CDH18: variants seen among roughly 807,000 people sequenced by gnomAD.
CDH18 encodes cadherin 18.
In CDH18, 31 loss-of-function variants were observed where a neutral mutation model predicts 67.9. The observed-to-expected ratio is 0.46, with a 90% CI of 0.34 to 0.62. The LOEUF (loss-of-function observed/expected upper bound fraction) is 0.62, where lower values mean the gene tolerates loss of function less well. Ranked by LOEUF, CDH18 falls within the 20% of genes least tolerant of loss-of-function variation. The probability of loss-of-function intolerance (pLI) is 0.01; values close to 1 mark genes in which losing one functional copy is unlikely to be tolerated. For missense variants in CDH18, 890 were observed against 975.5 expected, an observed-to-expected ratio of 0.91 and a Z score of 1.17; for synonymous variants, 362 against 347.2, an observed-to-expected ratio of 1.04 and a Z score of -0.48.
intron 10 of CDH18, among the ~76,000 whole-genome samples, chr5:19,512,087 C>A (rs1162715153): frequency 2.0e-5 from 3 of 152,108 alleles, no homozygotes; most frequent in African/African-American, 7.2e-5. Flanking sequence ...ATACACAGCT[C>A]AGCCCATTGC....
intron 2 of CDH18, among the ~76,000 whole-genome samples, chr5:20,022,132 A>T (rs1441757120): frequency 6.6e-6 from 1 of 152,074 alleles, no homozygotes; most frequent in East Asian, 1.9e-4. Context: ...TTCACTGAAA[A>T]CCTTACCTTT....
intron 1 of CDH18, among the ~76,000 whole-genome samples, chr5:20,378,679 G>A (rs1238053084): frequency 6.6e-6 from 1 of 151,976 alleles, no homozygotes; most frequent in East Asian, 1.9e-4. Flanking sequence ...CCAAACACCG[G>A]GTGCTAACGA....
chr5:19,587,677 T>C (rs948863180), intron 7 of CDH18, among the ~76,000 whole-genome samples: 1 of 151,576 alleles, frequency 6.6e-6, no homozygotes, highest in Non-Finnish European at 1.5e-5. Context: ...ACCAGTACCA[T>C]GTTGTTTTGG....
intron 3 of CDH18, among the ~76,000 whole-genome samples, chr5:19,798,089 T>C (rs996466090): frequency 6.6e-6 from 1 of 152,084 alleles, no homozygotes; most frequent in Admixed American, 6.6e-5. Flanking sequence ...AAGATCCTAG[T>C]GGTTTTGAAA....
chr5:20,373,130 T>C (rs1309608462), intron 1 of CDH18, among the ~76,000 whole-genome samples: 10 of 152,212 alleles, frequency 6.6e-5, no homozygotes, highest in Non-Finnish European at 1.2e-4. Context: ...TAGTCAAAGT[T>C]ATATTTTACA....
intron 2 of CDH18, among the ~76,000 whole-genome samples, chr5:20,160,869 A>G (rs1477846712): frequency 6.6e-6 from 1 of 152,254 alleles, no homozygotes; most frequent in African/African-American, 2.4e-5. Flanking sequence ...TGTTTGCCAC[A>G]TTGGTCCGCC....
At chr5:19,552,872 T>C (rs1163698626) in intron 8 of CDH18, among the ~76,000 whole-genome samples, 1 of 152,170 alleles carries the variant, frequency 6.6e-6, no homozygotes, top group Non-Finnish European at 1.5e-5. Context: ...CTGGCTATAA[T>C]TTTTTATTTC....
At chr5:20,243,107 T>C (rs1172309593) in intron 2 of CDH18, among the ~76,000 whole-genome samples, 2 of 152,248 alleles carry the variant, frequency 1.3e-5, no homozygotes, top group African/African-American at 2.4e-5. Context: ...AAAAGCTTTG[T>C]TCTATTCAAT....
At chr5:20,429,664 G>A (rs12697573) in intron 1 of CDH18, among the ~76,000 whole-genome samples, 33,523 of 152,102 alleles carry the variant, frequency 0.22, 3,874 homozygotes, top group East Asian at 0.3. Context: ...AAGAAAGGAA[G>A]GCTGAGCTAC....
chr5:20,159,659 G>T (rs1402811186), intron 2 of CDH18, among the ~76,000 whole-genome samples: 1 of 152,042 alleles, frequency 6.6e-6, no homozygotes, highest in East Asian at 1.9e-4. Context: ...TGTTTTATCT[G>T]GTATTAAAGG....
intron 2 of CDH18, chr5:19,877,860 G>A (rs1787198853): frequency 6.6e-6 from 1 of 152,096 alleles, no homozygotes; most frequent in African/African-American, 2.4e-5. Context: ...GAATCAAAAT[G>A]ATAGCTATTC....
At chr5:19,656,734 G>C (rs1013034201) in intron 5 of CDH18, among the ~76,000 whole-genome samples, 1 of 152,070 alleles carries the variant, frequency 6.6e-6, no homozygotes, top group African/African-American at 2.4e-5. Context: ...TCTCAATTTT[G>C]ATGTTTATAC....
chr5:19,873,962 T>A (rs1786643137), intron 2 of CDH18, among the ~76,000 whole-genome samples: 1 of 152,202 alleles, frequency 6.6e-6, no homozygotes, highest in African/African-American at 2.4e-5. Flanking sequence ...AAAATCATTT[T>A]TGATACACAA....
intron 2 of CDH18, among the ~76,000 whole-genome samples, chr5:20,057,698 A>G (rs1189044816): frequency 1.3e-5 from 2 of 152,154 alleles, no homozygotes; most frequent in African/African-American, 4.8e-5. Flanking sequence ...CAAAGAAGTC[A>G]ACTGCAGTTT....
intron 1 of CDH18, among the ~76,000 whole-genome samples, chr5:20,275,383 C>A (rs1745731911): frequency 6.6e-6 from 1 of 152,106 alleles, no homozygotes; most frequent in South Asian, 2.1e-4. Flanking sequence ...TCATCTTCTA[C>A]CATGACTGTA....
intron 2 of CDH18, among the ~76,000 whole-genome samples, chr5:19,919,944 T>G (rs556566182): frequency 6.6e-6 from 1 of 152,254 alleles, no homozygotes; most frequent in African/African-American, 2.4e-5. Flanking sequence ...TATCTTCTCT[T>G]TTGTACTATA....
At chr5:20,087,756 T>C (rs1220175694) in intron 2 of CDH18, among the ~76,000 whole-genome samples, 1 of 152,238 alleles carries the variant, frequency 6.6e-6, no homozygotes, top group African/African-American at 2.4e-5. Context: ...CATACTTTTA[T>C]ATATCTTGGT....
intron 2 of CDH18, among the ~76,000 whole-genome samples, chr5:20,037,599 G>A (rs1434498724): frequency 6.6e-6 from 1 of 152,116 alleles, no homozygotes; most frequent in African/African-American, 2.4e-5. Context: ...GCTCCTGAAT[G>A]ACTACTGGGT....
intron 2 of CDH18, among the ~76,000 whole-genome samples, chr5:19,900,666 C>T (rs1360866170): frequency 6.6e-6 from 1 of 152,072 alleles, no homozygotes; most frequent in Non-Finnish European, 1.5e-5. Flanking sequence ...ATTCCACTTA[C>T]ATACACATAA....
Sources: gnomAD v4.1 joint callset for allele counts (sites outside exome capture counted in the v4.1 genomes callset) on GRCh38, gnomAD v4.1.1 for gene constraint, MANE v1.5 for transcripts, NCBI Gene and HGNC (gene_info 2026-07-23, HGNC 2026-07-21) for gene names.